The following BPTF variants were observed in gnomAD, a reference collection of about 807,000 sequenced individuals.
BPTF encodes the protein nucleosome-remodeling factor subunit BPTF.
A neutral mutation model predicts 292.5 loss-of-function variants in BPTF; 18 were observed. The ratio of observed to expected loss-of-function variants is 0.06; its 90% CI spans 0.04 to 0.09. BPTF has a LOEUF of 0.09. Ranked by LOEUF, BPTF falls within the 10% of genes least tolerant of loss-of-function variation. The pLI is 1.00. For synonymous variants in BPTF, 1,225 were observed against 1,251.9 expected (o/e 0.98, Z 0.45); for missense variants, 2,726 against 3,498.7 (o/e 0.78, Z 5.57).
At position 67,959,574 on chromosome 17, in the gene BPTF, GA is replaced by G; in HGVS notation, c.7965del (p.Asp2656ThrfsTer2). ...GAAGAGAGACCTGAAAATTAAGAAA[GA>G]AAAAGACCTGATGCAGTTGGCTCAG... ...ELKRDLKIKK[E>X]KDLMQLAQAT... On this transcript the variant is annotated frameshift_variant, in exon 24 of 28. Transcript: ENST00000306378. LOFTEE classifies it high-confidence loss of function. 6.5e-7 allele frequency: 1 copy of G among 1,529,988 alleles called. No homozygotes were observed. The highest frequency in any genetic ancestry group is 8.7e-7 in the Non-Finnish European group (1 of 1,144,850). 94.8% of individuals were successfully genotyped at this position (1,529,988 alleles called of 1,614,324 possible). A position where few individuals can be genotyped will look rare whatever the true frequency, so the allele number is the denominator to read the frequency against.
At chr17:67,936,563 A>T (rs530165221) in intron 18 of BPTF, 1 of 151,530 alleles carries the variant, frequency 6.6e-6, no homozygotes, top group South Asian at 2.1e-4. Context: ...TTTCCAAACC[A>T]CTCTCTTCTC....
At chr17:67,867,245 G>C (rs573457598) in intron 3 of BPTF, among the ~76,000 whole-genome samples, 2 of 152,120 alleles carry the variant, frequency 1.3e-5, no homozygotes, top group East Asian at 3.9e-4. Flanking sequence ...ATGTTAGTTT[G>C]TTTCTTTAAT....
At chr17:67,908,535 C>G (rs2062399788) in intron 9 of BPTF, among the ~76,000 whole-genome samples, 1 of 144,746 alleles carries the variant, frequency 6.9e-6, no homozygotes, top group Non-Finnish European at 1.5e-5. Context: ...CTCTGTCACC[C>G]AGGCTGGAGT....
chr17:67,881,893 G>T (rs1441385981), intron 4 of BPTF, among the ~76,000 whole-genome samples: 6 of 130,186 alleles, frequency 4.6e-5, no homozygotes, highest in African/African-American at 1.4e-4. Flanking sequence ...TTGAGACAGG[G>T]TCTTGCTCTG....
intron 20 of BPTF, chr17:67,944,604 G>T: frequency 1.8e-6 from 1 of 568,962 alleles, no homozygotes; most frequent in Non-Finnish European, 3.1e-6. Context: ...GAGAGAGAAA[G>T]GGGGCAAAAA....
At position 67,854,352 on chromosome 17, in the gene BPTF, C is replaced by G. The variant is rs142245973; in HGVS notation, c.1026C>G (p.His342Gln). The G allele has an allele frequency of 1.2e-6, 2 of 1,614,204 alleles. No homozygotes were observed. The highest frequency in any genetic ancestry group is 1.7e-6 in the Non-Finnish European group (2 of 1,180,040). Reference protein sequence around the residue: ...VYCESDKEYHHVLPYQEAEDY... With the variant: ...VYCESDKEYHQVLPYQEAEDY... Reference sequence around the variant, plus strand: ...GTGAGAGTGATAAGGAGTACCATCACGTTCTTCCTTACCAAGAGGCAGAGG... The same window carrying G: ...GTGAGAGTGATAAGGAGTACCATCAGGTTCTTCCTTACCAAGAGGCAGAGG... Residue 342 changes from histidine (H) to glutamine (Q), a missense_variant, in exon 2 of 28, where the codon CAC (histidine) becomes CAG (glutamine). This residue lies in a region of BPTF where 102 missense variants were observed against 212.6 expected (regional missense o/e 0.48). Coordinates refer to ENST00000306378, the MANE Select transcript of BPTF (RefSeq NM_182641.4). This position sits in a 1 kb window ranked among gnomAD's most constrained non-coding sequence, Gnocchi z 5.6.
chr17:67,937,850 C>T (rs1192389868), intron 18 of BPTF, among the ~76,000 whole-genome samples: 1 of 152,210 alleles, frequency 6.6e-6, no homozygotes, highest in African/African-American at 2.4e-5. Context: ...TACAGTGGCT[C>T]ATGCCTGTAA....
intron 1 of BPTF, among the ~76,000 whole-genome samples, chr17:67,851,198 G>A (rs1410545132): frequency 6.6e-6 from 1 of 151,718 alleles, no homozygotes; most frequent in African/African-American, 2.4e-5. Flanking sequence ...TTTGGCATGA[G>A]GTCCAGTCAC....
chr17:67,857,465 A>ATT (rs751472386), intron 2 of BPTF, among the ~76,000 whole-genome samples: 7 of 136,572 alleles, frequency 5.1e-5, no homozygotes, highest in African/African-American at 8.0e-5. Context: ...TGGACAGCAG[A>ATT]TTTTTTTTTT....
chr17:67,942,733 C>G (rs2065477322), intron 19 of BPTF, among the ~76,000 whole-genome samples: 1 of 152,114 alleles, frequency 6.6e-6, no homozygotes, highest in Admixed American at 6.6e-5. Flanking sequence ...AGGTGTCTAT[C>G]AAAATCAGTT....
chr17:67,934,256 G>T (rs1043506510), intron 18 of BPTF, among the ~76,000 whole-genome samples: 1 of 151,862 alleles, frequency 6.6e-6, no homozygotes, highest in Admixed American at 6.6e-5. Flanking sequence ...TGTGGCTCAC[G>T]CCTATAATCC....
chr17:67,964,869 G>A (rs757845222), intron 25 of BPTF, among the ~76,000 whole-genome samples: 2 of 150,854 alleles, frequency 1.3e-5, no homozygotes, highest in African/African-American at 4.9e-5. Context: ...CGTGGTGGCG[G>A]GCGCCTGTAG....
chr17:67,897,308 T>C (rs538813699), intron 7 of BPTF, among the ~76,000 whole-genome samples: 2 of 113,640 alleles, frequency 1.8e-5, no homozygotes, highest in South Asian at 6.2e-4. Context: ...GCCATTGCAC[T>C]CCAGCCTAGG....
chr17:67,853,309 C>G (rs2058520077), intron 1 of BPTF, among the ~76,000 whole-genome samples: 1 of 152,186 alleles, frequency 6.6e-6, no homozygotes, highest in Non-Finnish European at 1.5e-5. Context: ...AGGTAAGCCA[C>G]TTTTCTTTTC....
chr17:67,982,345 T>G lies in BPTF; in HGVS notation c.*57T>G, dbSNP rs782230523. 2 of 1,515,604 alleles carry G rather than the reference T, an allele frequency of 1.3e-6. No homozygotes were observed. Among genetic ancestry groups the G allele is most frequent in the Non-Finnish European group, 1.8e-6 (2 of 1,097,104 alleles). 93.9% of individuals were successfully genotyped at this position (1,515,604 alleles called of 1,614,324 possible). ...GCAAGAATCTGGTTGTCTGAACTATTTTAAATTAAGGAGCCAGATGTTTTT... is the reference window on the plus strand; with the variant it reads ...GCAAGAATCTGGTTGTCTGAACTATGTTAAATTAAGGAGCCAGATGTTTTT... On this transcript the variant is annotated 3_prime_UTR_variant, in exon 28 of 28. Coordinates refer to ENST00000306378, the MANE Select transcript of BPTF (RefSeq NM_182641.4).
intron 26 of BPTF, among the ~76,000 whole-genome samples, chr17:67,970,333 G>A (rs1555690174): frequency 1.3e-5 from 2 of 152,110 alleles, no homozygotes; most frequent in African/African-American, 4.8e-5. Context: ...GGGAGGTGGA[G>A]GCTGCAGCGA....
chr17:67,840,565 A>G (rs893692702), intron 1 of BPTF, among the ~76,000 whole-genome samples: 1 of 118,424 alleles, frequency 8.4e-6, no homozygotes. Context: ...CCTCCTTTCT[A>G]TTTTTTTAGA....
At chr17:67,889,385 T>A (rs2060957240) in intron 4 of BPTF, among the ~76,000 whole-genome samples, 1 of 152,250 alleles carries the variant, frequency 6.6e-6, no homozygotes, top group Admixed American at 6.5e-5. Flanking sequence ...TTAAAAGCAC[T>A]GTGTCATTCT....
intron 19 of BPTF, 26 bp from the exon 20 acceptor site, chr17:67,944,122 CTG>C (rs1555673190): frequency 6.5e-7 from 1 of 1,536,062 alleles, no homozygotes. Flanking sequence ...GCTTTGAACA[CTG>C]TTTACATGTT....
Sources: gnomAD v4.1 joint callset for allele counts (sites outside exome capture counted in the v4.1 genomes callset) on GRCh38, gnomAD v4.1.1 for gene constraint, gnomAD v4.1.1 regional missense constraint, Gnocchi (gnomAD v3.1) non-coding constraint, MANE v1.5 for transcripts, NCBI Gene and HGNC (gene_info 2026-07-23, HGNC 2026-07-21) for gene names.